Variants in CELF5 observed in about 807,000 individuals in gnomAD.
CELF5 encodes CUG-BP and ETR-3 like factor 5.
In CELF5, 6 loss-of-function variants were observed where a neutral mutation model predicts 54.9. The ratio of observed to expected loss-of-function variants is 0.11; its 90% CI spans 0.06 to 0.22. CELF5 has a LOEUF of 0.22. CELF5 is among the 10% of genes least tolerant of loss of function. The pLI is 1.00. For synonymous variants in CELF5, 271 were observed against 290.9 expected (o/e 0.93, Z 0.70); for missense variants, 401 against 678.6 (o/e 0.59, Z 4.54).
intron 2 of CELF5, among the ~76,000 whole-genome samples, chr19:3,269,738 A>T (rs981125971): frequency 6.6e-6 from 1 of 152,134 alleles, no homozygotes; most frequent in Non-Finnish European, 1.5e-5. Flanking sequence ...AGGGATGTCT[A>T]GGTCCTTAGG....
chr19:3,285,023 GC>G, intron 9 of CELF5, 59 bp downstream of exon 9: 9 of 1,268,470 alleles, frequency 7.1e-6, no homozygotes, highest in South Asian at 6.6e-5. Context: ...CTAGGGCCCC[GC>G]CCCCAGGGCC....
intron 1 of CELF5, among the ~76,000 whole-genome samples, chr19:3,238,435 T>C (rs1267874698): frequency 6.6e-6 from 1 of 152,146 alleles, no homozygotes; most frequent in Non-Finnish European, 1.5e-5. Flanking sequence ...GACCACAAAC[T>C]GGGGGGCTTG....
At chr19:3,287,894 C>T (rs561090369) in intron 10 of CELF5, among the ~76,000 whole-genome samples, 2 of 152,282 alleles carry the variant, frequency 1.3e-5, no homozygotes, top group Admixed American at 6.5e-5. Flanking sequence ...CAATAAATAC[C>T]GTGCTTGGCC....
chr19:3,234,741 C>T (rs537555017), intron 1 of CELF5, among the ~76,000 whole-genome samples: 30 of 152,188 alleles, frequency 2.0e-4, no homozygotes, highest in Admixed American at 1.5e-3. Context: ...CACCTCCTAT[C>T]CCTCCATCAG....
At chr19:3,255,342 G>A (rs763390571) in intron 2 of CELF5, among the ~76,000 whole-genome samples, 70 of 152,220 alleles carry the variant, frequency 4.6e-4, no homozygotes, top group Middle Eastern at 6.8e-3. Context: ...GAGCCACCAC[G>A]CTGGCTAATT....
rs534627792 is a variant in CELF5, at chr19:3,245,230, G to A, written c.260-5755G>A. 4.1e-5 allele frequency among the ~76,000 whole-genome samples: 6 copies of A among 147,374 alleles called. No homozygotes were observed. The Admixed American group carries it at 4.1e-4, about 10-fold the overall frequency. On this transcript the variant is annotated intron_variant, in intron 1 of 12. Transcript: ENST00000292672. Reference sequence around the variant, plus strand: ...CTGTGCATGTGTGGGTGTGTGATGTGTATATGCATCTGTGCGTGTGTATGT... The same window carrying A: ...CTGTGCATGTGTGGGTGTGTGATGTATATATGCATCTGTGCGTGTGTATGT...
intron 1 of CELF5, among the ~76,000 whole-genome samples, chr19:3,230,993 G>A (rs370274607): frequency 8.5e-5 from 13 of 152,176 alleles, no homozygotes; most frequent in African/African-American, 2.7e-4. Context: ...GCTTTGACCC[G>A]CTCTGGAAGG....
rs560049567 is a variant in CELF5 at position 3,247,158 on chromosome 19, A to T, written c.260-3827A>T. The stretch of plus-strand genomic sequence containing the variant: ...TTACTTTTGTTGTTGAGACAGTCTG[A>T]CTGTGTCACCCAGGCTGGAGTGCAG... On this transcript the variant is annotated intron_variant, in intron 1 of 12. Coordinates refer to ENST00000292672, the MANE Select transcript of CELF5 (RefSeq NM_021938.4). Among the ~76,000 whole-genome samples, 331 of 152,028 alleles carry T rather than the reference A, an allele frequency of 2.2e-3. 1 individual carries two copies. Among genetic ancestry groups the T allele is most frequent in the African/African-American group, 6.6e-3 (274 of 41,490 alleles).
chr19:3,292,593 AG>A (rs1292150420), intron 11 of CELF5, among the ~76,000 whole-genome samples: 1 of 152,096 alleles, frequency 6.6e-6, no homozygotes, highest in Non-Finnish European at 1.5e-5. Flanking sequence ...CATGGGGTGG[AG>A]TATTTCTGAT....
intron 1 of CELF5, among the ~76,000 whole-genome samples, chr19:3,232,128 A>G (rs1917298094): frequency 6.6e-6 from 1 of 152,132 alleles, no homozygotes; most frequent in Non-Finnish European, 1.5e-5. Flanking sequence ...CTTGGTTCCA[A>G]TCCTGGCTCC....
At chr19:3,234,146 A>G (rs1262454279) in intron 1 of CELF5, among the ~76,000 whole-genome samples, 4 of 152,154 alleles carry the variant, frequency 2.6e-5, no homozygotes, top group Non-Finnish European at 4.4e-5. Context: ...AGAACTTTGT[A>G]CACATAGGGA....
chr19:3,241,514 G>C (rs2079490803), intron 1 of CELF5, among the ~76,000 whole-genome samples: 1 of 151,976 alleles, frequency 6.6e-6, no homozygotes, highest in African/African-American at 2.4e-5. Context: ...CTCCAGGTGT[G>C]CAGCAAGGCT....
Position 3,275,998 on chromosome 19 carries a change from G to C in CELF5, c.523+14G>C. On this transcript the variant is annotated intron_variant, in intron 4 of 12. Coordinates refer to ENST00000292672, the MANE Select transcript of CELF5 (RefSeq NM_021938.4). The surrounding 1 kb of genome is among the most constrained non-coding windows in gnomAD (Gnocchi z 6.7). ...GCAGCAGCAAAGGTGACTGGCGGGG[G>C]CCGGGGCGGGACTGCGAGAGGGGCC... 1 of 1,594,580 alleles carries C rather than the reference G, an allele frequency of 6.3e-7. No individual in the cohort carries two copies. Among genetic ancestry groups the C allele is most frequent in the African/African-American group, 1.4e-5 (1 of 72,850 alleles).
chr19:3,229,039 T>C (rs926394595), intron 1 of CELF5, among the ~76,000 whole-genome samples: 7 of 151,870 alleles, frequency 4.6e-5, no homozygotes, highest in Non-Finnish European at 8.8e-5. Context: ...CAGACTTTCA[T>C]AAGGCCCCGG....
At chr19:3,266,299 T>C (rs2079880603) in intron 2 of CELF5, among the ~76,000 whole-genome samples, 1 of 151,954 alleles carries the variant, frequency 6.6e-6, no homozygotes, top group African/African-American at 2.4e-5. Flanking sequence ...TCCATCCCTG[T>C]TTTAGCTAGT....
intron 1 of CELF5, 101 bp from the exon 2 acceptor site, chr19:3,250,884 G>GTCGTATCATTAAA: frequency 1.7e-6 from 1 of 583,594 alleles, no homozygotes; most frequent in Non-Finnish European, 3.0e-6. Context: ...TCTGTGGATG[G>GTCGTATCATTAAA]AAGCTTGGGT....
intron 1 of CELF5, among the ~76,000 whole-genome samples, chr19:3,232,139 A>AT (rs1263021322): frequency 2.0e-5 from 3 of 152,104 alleles, no homozygotes; most frequent in Non-Finnish European, 4.4e-5. Context: ...TCCTGGCTCC[A>AT]TTTTTAAATT....
At chr19:3,269,048 CAG>C (rs969990389) in intron 2 of CELF5, among the ~76,000 whole-genome samples, 1 of 152,042 alleles carries the variant, frequency 6.6e-6, no homozygotes, top group South Asian at 2.1e-4. Flanking sequence ...CTGGGTGTTT[CAG>C]AGAGGCTGGA....
chr19:3,267,067 GTGTGTGCGTGTGCGTGTGTGCA>G (rs1255969950), intron 2 of CELF5, among the ~76,000 whole-genome samples: 3 of 147,576 alleles, frequency 2.0e-5, no homozygotes, highest in Non-Finnish European at 4.5e-5. Flanking sequence ...AAACACCTCT[GTGTGTGCGTGTGCGTGTGTGCA>G]TGTGTGTGTG....
Sources: allele counts gnomAD v4.1 joint callset (sites outside exome capture counted in the v4.1 genomes callset), GRCh38; gene constraint gnomAD v4.1.1; non-coding constraint Gnocchi (gnomAD v3.1); transcripts MANE v1.5; gene names NCBI Gene and HGNC (gene_info 2026-07-23, HGNC 2026-07-21).